Variants in TMEM132D observed in about 807,000 individuals in gnomAD.
The protein encoded by TMEM132D is mature OL transmembrane protein.
Under a neutral mutation model 62.3 loss-of-function variants are expected in TMEM132D, and 21 were observed. The observed-to-expected ratio is 0.34, with a 90% confidence interval of 0.24 to 0.49. The LOEUF (loss-of-function observed/expected upper bound fraction) is 0.49. TMEM132D is among the 20% of genes least tolerant of loss of function. The probability of loss-of-function intolerance (pLI) is 0.99; values close to 1 mark genes in which losing one functional copy is unlikely to be tolerated. For missense variants in TMEM132D, 1,346 were observed against 1,402.8 expected (o/e 0.96, Z 0.65); for synonymous variants, 621 against 575.6 (o/e 1.08, Z -1.13).
chr12:129,125,061 G>A (rs1376586892), intron 5 of TMEM132D, among the ~76,000 whole-genome samples: 1 of 152,334 alleles, frequency 6.6e-6, no homozygotes, highest in Non-Finnish European at 1.5e-5. Context: ...AAGGCTGGAG[G>A]GGGGATGTCT....
intron 4 of TMEM132D, among the ~76,000 whole-genome samples, chr12:129,305,502 C>G (rs534751605): frequency 6.6e-6 from 1 of 152,020 alleles, no homozygotes; most frequent in Non-Finnish European, 1.5e-5. Context: ...TAGATGTATG[C>G]CCCCCAAAAA....
chr12:129,427,307 G>C (rs925100290), intron 3 of TMEM132D, among the ~76,000 whole-genome samples: 1 of 151,268 alleles, frequency 6.6e-6, no homozygotes, highest in Non-Finnish European at 1.5e-5. Context: ...TGCTAAGGAC[G>C]CATCAAGAAA....
chr12:129,876,642 C>T (rs187564239), intron 1 of TMEM132D, among the ~76,000 whole-genome samples: 40 of 152,274 alleles, frequency 2.6e-4, no homozygotes, highest in Non-Finnish European at 3.8e-4. Context: ...GCCTCAACAA[C>T]GATATCATGT....
chr12:129,766,196 T>G (rs7314986), intron 1 of TMEM132D, among the ~76,000 whole-genome samples: 89,252 of 151,966 alleles, frequency 0.59, 27,361 homozygotes, highest in Middle Eastern at 0.77. Context: ...TGACCCATGA[T>G]GGACATGAAG....
At chr12:129,237,916 G>A (rs1245955526) in intron 4 of TMEM132D, among the ~76,000 whole-genome samples, 1 of 152,192 alleles carries the variant, frequency 6.6e-6, no homozygotes, top group East Asian at 1.9e-4. Context: ...CCCCAAAAAT[G>A]TGCATCCTGA....
intron 5 of TMEM132D, among the ~76,000 whole-genome samples, chr12:129,201,081 A>G (rs1379939037): frequency 2.0e-5 from 3 of 152,248 alleles, no homozygotes; most frequent in African/African-American, 2.4e-5. Context: ...AAGCAGGTTC[A>G]CCAAGAGCAG....
intron 1 of TMEM132D, among the ~76,000 whole-genome samples, chr12:129,900,243 C>G (rs1875307250): frequency 6.6e-6 from 1 of 152,168 alleles, no homozygotes; most frequent in South Asian, 2.1e-4. Flanking sequence ...CACAGACACA[C>G]CACACACAGA....
chr12:129,654,055 T>C (rs1880001462), intron 2 of TMEM132D, among the ~76,000 whole-genome samples: 1 of 152,198 alleles, frequency 6.6e-6, no homozygotes, highest in African/African-American at 2.4e-5. Flanking sequence ...CTTTGTAGAA[T>C]GTCCTTTGAC....
At chr12:129,499,983 T>G (rs1048842112) in intron 3 of TMEM132D, among the ~76,000 whole-genome samples, 1 of 134,982 alleles carries the variant, frequency 7.4e-6, no homozygotes, top group Non-Finnish European at 1.6e-5. Context: ...CTGTCCCCCA[T>G]CAGTCAGTTA....
chr12:129,571,632 A>G (rs1877516936), intron 2 of TMEM132D, among the ~76,000 whole-genome samples: 2 of 151,972 alleles, frequency 1.3e-5, no homozygotes, highest in Non-Finnish European at 2.9e-5. Flanking sequence ...GAGGGAGAGG[A>G]GACACAAACA....
At chr12:129,227,687 G>A (rs1593303201) in intron 4 of TMEM132D, among the ~76,000 whole-genome samples, 1 of 151,790 alleles carries the variant, frequency 6.6e-6, no homozygotes, top group Non-Finnish European at 1.5e-5. Flanking sequence ...CCATGTTGGT[G>A]TGCTGCACCC....
At chr12:129,786,352 C>T (rs1316635493) in intron 1 of TMEM132D, among the ~76,000 whole-genome samples, 1 of 152,106 alleles carries the variant, frequency 6.6e-6, no homozygotes, top group Admixed American at 6.5e-5. Context: ...GCAGCAGTGA[C>T]CCCATAAGGC....
chr12:129,209,062 C>A (rs1481572854), intron 5 of TMEM132D: 1 of 155,534 alleles, frequency 6.4e-6, no homozygotes, highest in Non-Finnish European at 1.4e-5. Context: ...TAAATCAAAG[C>A]TGGGAGTAGT....
intron 3 of TMEM132D, among the ~76,000 whole-genome samples, chr12:129,493,382 T>C (rs944478674): frequency 2.0e-5 from 3 of 152,264 alleles, no homozygotes; most frequent in Non-Finnish European, 2.9e-5. Flanking sequence ...ATTTACGTGG[T>C]TAGTAATAAA....
intron 2 of TMEM132D, among the ~76,000 whole-genome samples, chr12:129,663,110 C>A (rs1348902903): frequency 1.3e-5 from 2 of 151,668 alleles, no homozygotes; most frequent in Non-Finnish European, 2.9e-5. Flanking sequence ...AGGTGAAAGG[C>A]AAAAGGCATA....
intron 1 of TMEM132D, among the ~76,000 whole-genome samples, chr12:129,708,096 A>C (rs1034085615): frequency 1.3e-5 from 2 of 152,098 alleles, no homozygotes; most frequent in Non-Finnish European, 2.9e-5. Context: ...ATGCACCTGT[A>C]ATCCCAGCTA....
At chr12:129,626,716 T>G (rs1387089337) in intron 2 of TMEM132D, among the ~76,000 whole-genome samples, 1 of 152,150 alleles carries the variant, frequency 6.6e-6, no homozygotes, top group Non-Finnish European at 1.5e-5. Context: ...TCAGCCCCCA[T>G]AAGTGCTGGA....
chr12:129,189,630 T>G (rs1382560675), intron 5 of TMEM132D, among the ~76,000 whole-genome samples: 1 of 152,134 alleles, frequency 6.6e-6, no homozygotes, highest in Non-Finnish European at 1.5e-5. Flanking sequence ...CACAGGAGAA[T>G]GCACTTCACA....
At chr12:129,571,907 C>T (rs1238426510) in intron 2 of TMEM132D, among the ~76,000 whole-genome samples, 1 of 152,076 alleles carries the variant, frequency 6.6e-6, no homozygotes, top group East Asian at 1.9e-4. Context: ...TTTTAGACAG[C>T]ACAATCCCAG....
Sources: allele counts gnomAD v4.1 joint callset (sites outside exome capture counted in the v4.1 genomes callset), GRCh38; gene constraint gnomAD v4.1.1; transcripts MANE v1.5; gene names NCBI Gene and HGNC (gene_info 2026-07-23, HGNC 2026-07-21).